Variants in SPTBN4 observed in about 807,000 individuals in gnomAD.
SPTBN4 encodes spectrin beta, non-erythrocytic 4.
A neutral mutation model predicts 277.8 loss-of-function variants in SPTBN4; 96 were observed. The observed-to-expected ratio is 0.35, with a 90% CI of 0.29 to 0.41. The LOEUF (loss-of-function observed/expected upper bound fraction) is 0.41. Ranked by LOEUF, SPTBN4 falls within the 10% of genes least tolerant of loss-of-function variation. The probability of loss-of-function intolerance (pLI) is 1.00; values close to 1 mark genes in which losing one functional copy is unlikely to be tolerated. For missense variants in SPTBN4, 3,006 were observed against 3,595.7 expected, an observed-to-expected ratio of 0.84 and a Z score of 4.19; for synonymous variants, 1,481 against 1,580.3, an observed-to-expected ratio of 0.94 and a Z score of 1.49.
At chr19:40,517,098 C>T (rs2080469368) in intron 15 of SPTBN4, among the ~76,000 whole-genome samples, 1 of 152,122 alleles carries the variant, frequency 6.6e-6, no homozygotes, top group Non-Finnish European at 1.5e-5. Flanking sequence ...CTGGCTGAAT[C>T]CTGAGCTGTA....
intron 1 of SPTBN4, among the ~76,000 whole-genome samples, chr19:40,467,529 T>C (rs2079839081): frequency 6.7e-6 from 1 of 149,488 alleles, no homozygotes; most frequent in African/African-American, 2.5e-5. Flanking sequence ...GCCCCCTCCT[T>C]GGGCGCAGTG....
At chr19:40,543,117 A>G (rs1226838710) in intron 20 of SPTBN4, among the ~76,000 whole-genome samples, 1 of 152,130 alleles carries the variant, frequency 6.6e-6, no homozygotes, top group East Asian at 1.9e-4. Flanking sequence ...CCCATGGGAA[A>G]GAGAGCATCT....
rs768904203 is a variant in SPTBN4 at position 40,503,916 on chromosome 19, G to A, written c.1449G>A (p.Glu483=). The A allele has an allele frequency of 6.2e-7, 1 of 1,613,810 alleles. No individual in the cohort carries two copies. The highest frequency in any genetic ancestry group is 1.7e-5 in the Admixed American group (1 of 60,016). ...AIEADIAAYE[E]RVQGVAELAQ... ...AGGCAGACATTGCGGCCTACGAGGA[G>A]CGGGTGCAGGGTGTGGCGGAGCTGG... Residue 483 remains glutamate, a synonymous_variant, in exon 12 of 36, where the codon GAG becomes GAA. Coordinates refer to ENST00000598249, the MANE Select transcript of SPTBN4 (RefSeq NM_020971.3).
In SPTBN4 at chr19:40,565,480, G is replaced by A; in HGVS notation, c.5973G>A (p.Leu1991=). 2 of 1,614,118 alleles carry A rather than the reference G, an allele frequency of 1.2e-6. No individual in the cohort carries two copies. Among genetic ancestry groups the A allele is most frequent in the South Asian group, 1.1e-5 (1 of 91,084 alleles). Reference sequence around the variant, plus strand: ...ACCACCAGGGCCTGAAGACTGAGCTGGAGGCGCGGGTGCCTGAGCTGACCA... The same window carrying A: ...ACCACCAGGGCCTGAAGACTGAGCTAGAGGCGCGGGTGCCTGAGCTGACCA... ...MNYHQGLKTE[L]EARVPELTTC... is the part of the protein sequence containing the mutation. Residue 1991 remains leucine, a synonymous_variant, in exon 28 of 36, where the codon CTG becomes CTA. Coordinates refer to ENST00000598249, the MANE Select transcript of SPTBN4 (RefSeq NM_020971.3).
intron 2 of SPTBN4, among the ~76,000 whole-genome samples, chr19:40,476,073 G>A (rs2079944098): frequency 6.6e-6 from 1 of 151,556 alleles, no homozygotes; most frequent in South Asian, 2.1e-4. Flanking sequence ...GGTTAGGCGC[G>A]GTAGCTCACG....
chr19:40,468,050 A>AC (rs750583233), intron 1 of SPTBN4, among the ~76,000 whole-genome samples: 7 of 151,244 alleles, frequency 4.6e-5, no homozygotes, highest in African/African-American at 7.3e-5. Context: ...CTCTTCAAAC[A>AC]CCGCTAAGAA....
chr19:40,515,403 C>G lies in SPTBN4; in HGVS notation c.2858C>G (p.Pro953Arg). ...TVQELVEGGHPSSDEVRSCQD... is the reference protein window; with the variant it reads ...TVQELVEGGHRSSDEVRSCQD... ...CAGGAGCTGGTGGAAGGAGGCCACCCCAGTTCAGATGAGGTGCGTTCCTGC... is the reference window on the plus strand; with the variant it reads ...CAGGAGCTGGTGGAAGGAGGCCACCGCAGTTCAGATGAGGTGCGTTCCTGC... The change falls in exon 15 of 36, where the codon CCC (proline) becomes CGC (arginine). Residue 953 changes from proline to arginine, a missense_variant. Transcript: ENST00000598249. This position sits in a 1 kb window ranked among gnomAD's most constrained non-coding sequence, Gnocchi z 4.1. 1 of 1,592,088 alleles carries G rather than the reference C, an allele frequency of 6.3e-7. No homozygotes were observed. Among genetic ancestry groups the G allele is most frequent in the Admixed American group, 1.8e-5 (1 of 55,840 alleles).
rs144491286 is a variant in SPTBN4, at chr19:40,560,732, T to A, written c.5915+329T>A. ...GTGGGACTGTATTTGTGAGGGTGGG[T>A]GAAGAATTCTAACAATTCCAGCATC... On this transcript the variant is annotated intron_variant, in intron 27 of 35. Transcript: ENST00000598249. This position sits in a 1 kb window ranked among gnomAD's most constrained non-coding sequence, Gnocchi z 5.2. The A allele has an allele frequency of 5.2e-5, 70 of 1,356,922 alleles. No individual in the cohort carries two copies. In the African/African-American group the frequency reaches 8.6e-4, roughly 17 times the overall value. 84.1% of individuals were successfully genotyped at this position (1,356,922 alleles called of 1,614,324 possible). A position where few individuals can be genotyped will look rare whatever the true frequency, so the allele number is the denominator to read the frequency against.
intron 17 of SPTBN4, 49 bp downstream of exon 17, chr19:40,523,688 C>A: frequency 6.5e-7 from 1 of 1,545,598 alleles, no homozygotes; most frequent in South Asian, 1.2e-5. Flanking sequence ...GAAGATGGGG[C>A]CCAGCATAGG....
chr19:40,515,672 T>C lies in SPTBN4; in HGVS notation c.2903+224T>C, dbSNP rs2145869919. Reference sequence around the variant, plus strand: ...CATTTATTTGTCCAGAAAGAATGTATTGGATATCTACAATCTGCCAGGAGT... The same window carrying C: ...CATTTATTTGTCCAGAAAGAATGTACTGGATATCTACAATCTGCCAGGAGT... On this transcript the variant is annotated intron_variant, in intron 15 of 35. Transcript: ENST00000598249. The surrounding 1 kb of genome is among the most constrained non-coding windows in gnomAD (Gnocchi z 4.1). 6.6e-6 allele frequency among the ~76,000 whole-genome samples: 1 copy of C among 152,248 alleles called. No individual in the cohort carries two copies.
At position 40,502,837 on chromosome 19, in the gene SPTBN4, T is replaced by G. The variant is rs769834825; in HGVS notation, c.1266T>G (p.Ile422Met). Residue 422 changes from isoleucine to methionine, a missense_variant, in exon 11 of 36, where the codon ATT becomes ATG. Physicochemically the swap from Ile to Met is conservative, Grantham distance 10. Coordinates refer to ENST00000598249, the MANE Select transcript of SPTBN4 (RefSeq NM_020971.3). The surrounding 1 kb of genome is among the most constrained non-coding windows in gnomAD (Gnocchi z 4.9). ...AGGCTGCCCTACGGGCTGAGCTGAT[T>G]CGGCAGGAGAAGCTGGAACTACTGG... ...EREAALRAEL[I>M]RQEKLELLAQ... The G allele has an allele frequency of 7.4e-6, 12 of 1,613,778 alleles. No homozygotes were observed. The highest frequency in any genetic ancestry group is 1.0e-5 in the Non-Finnish European group (12 of 1,180,024).
In SPTBN4 at chr19:40,571,963, A is replaced by G. The variant is rs1025340118; in HGVS notation, c.7320-56A>G. The G allele has an allele frequency of 8.1e-6, 12 of 1,485,216 alleles. No homozygotes were observed. The African/African-American group carries it at 1.4e-4, about 17-fold the overall frequency. The allele number at this position is 1,485,216 out of a possible 1,614,324, so 92.0% of individuals were successfully genotyped here. A position where few individuals can be genotyped will look rare whatever the true frequency, so the allele number is the denominator to read the frequency against. On this transcript the variant is annotated intron_variant, in intron 33 of 35. Transcript: ENST00000598249. ...ATTCAGACCTTGAGGATGTTAATGA[A>G]GAGTTATTAGGCAGAGTGCTGCGGC... is the stretch of plus-strand genomic sequence containing the variant.
rs1273601277 is a variant in SPTBN4, at chr19:40,506,158, GC to G, written c.1666-77del. 6 of 1,522,570 alleles carry G rather than the reference GC, an allele frequency of 3.9e-6. No homozygotes were observed. In the Admixed American group the frequency reaches 1.1e-4, roughly 29 times the overall value. 94.3% of individuals were successfully genotyped at this position (1,522,570 alleles called of 1,614,324 possible). On this transcript the variant is annotated intron_variant, in intron 12 of 35. Transcript: ENST00000598249. ...GGAGTGATGGTGCAGAGTAGCAGGG[GC>G]TGGCATAGGCAATGGGGGAGAGGTG...
intron 2 of SPTBN4, among the ~76,000 whole-genome samples, chr19:40,485,984 A>C (rs2080067509): frequency 6.6e-6 from 1 of 151,840 alleles, no homozygotes; most frequent in African/African-American, 2.4e-5. Context: ...GCCATAAAAA[A>C]AAAAAAAAAC....
intron 5 of SPTBN4, among the ~76,000 whole-genome samples, chr19:40,493,654 T>A (rs2080163220): frequency 6.6e-6 from 1 of 151,090 alleles, no homozygotes; most frequent in African/African-American, 2.4e-5. Flanking sequence ...AGTCCAGGAG[T>A]TCAAGGTGCA....
chr19:40,481,731 C>T (rs150194544), intron 2 of SPTBN4, among the ~76,000 whole-genome samples: 4,223 of 152,180 alleles, frequency 0.028, 103 homozygotes, highest in African/African-American at 0.062. Flanking sequence ...CTGCCTCAGC[C>T]TCCCAAAGTG....
intron 2 of SPTBN4, among the ~76,000 whole-genome samples, chr19:40,477,854 T>C (rs550026064): frequency 6.6e-6 from 1 of 152,276 alleles, no homozygotes; most frequent in South Asian, 2.1e-4. Context: ...TCCTTTTTTT[T>C]TGAGACGGAG....
At chr19:40,555,666 T>C (rs2080970269) in intron 24 of SPTBN4, among the ~76,000 whole-genome samples, 1 of 152,028 alleles carries the variant, frequency 6.6e-6, no homozygotes, top group Admixed American at 6.6e-5. Context: ...GGCTCACACC[T>C]GTAATCTCAA....
At chr19:40,550,114 G>A in intron 21 of SPTBN4, 124 bp from the exon 22 acceptor site, 1 of 687,888 alleles carries the variant, frequency 1.5e-6, no homozygotes. Flanking sequence ...GGAGGAGGCT[G>A]AATATTCAAC....
Sources: allele counts gnomAD v4.1 joint callset (sites outside exome capture counted in the v4.1 genomes callset), GRCh38; gene constraint gnomAD v4.1.1; non-coding constraint Gnocchi (gnomAD v3.1); transcripts MANE v1.5; gene names NCBI Gene and HGNC (gene_info 2026-07-23, HGNC 2026-07-21).